The following CTNNA2 variants were observed in gnomAD, a reference collection of about 807,000 sequenced individuals.
CTNNA2 encodes catenin alpha 2, also known as catenin alpha-2.
CTNNA2 carries 42 observed loss-of-function variants against 101.0 expected under a neutral mutation model. The observed-to-expected ratio is 0.42, with a 90% CI of 0.32 to 0.54. The LOEUF (loss-of-function observed/expected upper bound fraction) is 0.54. Ranked by LOEUF, CTNNA2 falls within the 20% of genes least tolerant of loss-of-function variation. The pLI is 0.14. For missense variants in CTNNA2, 871 were observed against 1,223.1 expected (o/e 0.71, Z 4.29); for synonymous variants, 450 against 456.4 (o/e 0.99, Z 0.18).
At chr2:80,144,446 A>C (rs1241362931) in intron 7 of CTNNA2, among the ~76,000 whole-genome samples, 2 of 152,226 alleles carry the variant, frequency 1.3e-5, no homozygotes, top group Admixed American at 6.5e-5. Flanking sequence ...AACAAGTACA[A>C]ATGTAAGAAT....
chr2:80,355,144 G>A (rs531941263), intron 7 of CTNNA2, among the ~76,000 whole-genome samples: 5 of 152,068 alleles, frequency 3.3e-5, no homozygotes, highest in Admixed American at 1.3e-4. Context: ...AGCAGACATC[G>A]CTATATGCCT....
chr2:79,599,963 C>A (rs1042784003), intron 1 of CTNNA2, among the ~76,000 whole-genome samples: 1 of 152,068 alleles, frequency 6.6e-6, no homozygotes, highest in African/African-American at 2.4e-5. Flanking sequence ...GGGAGTAGAA[C>A]AGAGAGATTG....
chr2:79,609,637 C>T (rs1038892591), intron 1 of CTNNA2, among the ~76,000 whole-genome samples: 10 of 152,082 alleles, frequency 6.6e-5, no homozygotes, highest in African/African-American at 2.4e-4. Context: ...CAGGAATAGA[C>T]CAGCATGCAT....
chr2:79,569,354 A>G (rs187494936), intron 1 of CTNNA2, among the ~76,000 whole-genome samples: 1 of 152,262 alleles, frequency 6.6e-6, no homozygotes, highest in East Asian at 1.9e-4. Context: ...GCATACGGCT[A>G]TAAGGGAAAT....
intron 2 of CTNNA2, among the ~76,000 whole-genome samples, chr2:79,294,898 T>C (rs1573047226): frequency 6.6e-6 from 1 of 152,284 alleles, no homozygotes; most frequent in East Asian, 1.9e-4. Flanking sequence ...ATTTTGATCT[T>C]ATCTGCTGAT....
At chr2:79,985,299 G>T (rs1190721980) in intron 7 of CTNNA2, among the ~76,000 whole-genome samples, 1 of 152,144 alleles carries the variant, frequency 6.6e-6, no homozygotes, top group Non-Finnish European at 1.5e-5. Flanking sequence ...AACCCCAGGG[G>T]CTCTGAACCA....
At chr2:80,206,965 A>C (rs1707571796) in intron 7 of CTNNA2, among the ~76,000 whole-genome samples, 2 of 152,286 alleles carry the variant, frequency 1.3e-5, no homozygotes, top group South Asian at 4.1e-4. Flanking sequence ...CAGAGCTGGC[A>C]TCTGAAGGCT....
At chr2:79,748,783 C>G (rs1012725022) in intron 3 of CTNNA2, among the ~76,000 whole-genome samples, 3 of 151,960 alleles carry the variant, frequency 2.0e-5, no homozygotes, top group Non-Finnish European at 4.4e-5. Context: ...TGCCAGATCT[C>G]TAAAAGTTTT....
intron 9 of CTNNA2, among the ~76,000 whole-genome samples, chr2:80,478,796 G>C (rs769249153): frequency 6.6e-6 from 1 of 151,964 alleles, no homozygotes; most frequent in South Asian, 2.1e-4. Flanking sequence ...ATAATTTGAC[G>C]TAATTAGGTG....
rs55934940 is a variant in CTNNA2 at position 79,829,360 on chromosome 2, T to TACACACACAC, written c.299-28607_299-28598dup. 7.1e-3 allele frequency among the ~76,000 whole-genome samples: 801 copies of TACACACACAC among 113,184 alleles called. 7 individuals are homozygous for TACACACACAC. Among genetic ancestry groups the TACACACACAC allele is most frequent in the African/African-American group, 0.012 (343 of 28,318 alleles). The allele number at this position is 113,184 out of a possible 152,430, so 74.3% of individuals were successfully genotyped here. ...GGTGAAACCCCGTCTCAACTAAAAC[T>TACACACACAC]ACACACACACACACACACACACACA... On this transcript the variant is annotated intron_variant, in intron 3 of 18. Transcript: ENST00000402739.
intron 7 of CTNNA2, among the ~76,000 whole-genome samples, chr2:79,980,909 ATTCT>A (rs753185405): frequency 5.9e-5 from 9 of 152,198 alleles, no homozygotes; most frequent in African/African-American, 1.2e-4. Context: ...CAAAGAAACA[ATTCT>A]TTCTTTCTTT....
At chr2:79,273,113 T>C (rs1301458989) in intron 2 of CTNNA2, among the ~76,000 whole-genome samples, 2 of 152,036 alleles carry the variant, frequency 1.3e-5, no homozygotes, top group Non-Finnish European at 2.9e-5. Context: ...AAAGTATTTC[T>C]TTACCATGCA....
At chr2:79,654,951 T>A (rs1379578526) in intron 2 of CTNNA2, among the ~76,000 whole-genome samples, 1 of 152,224 alleles carries the variant, frequency 6.6e-6, no homozygotes. Context: ...TTTATAGGAA[T>A]TTGACAGTAA....
At chr2:80,613,362 TAA>T (rs1242758925) in intron 17 of CTNNA2, among the ~76,000 whole-genome samples, 2 of 151,414 alleles carry the variant, frequency 1.3e-5, no homozygotes, top group Non-Finnish European at 3.0e-5. Context: ...CCCAGAGTGT[TAA>T]AAGTGACAGT....
intron 2 of CTNNA2, among the ~76,000 whole-genome samples, chr2:79,202,873 C>T (rs1187474358): frequency 6.6e-6 from 1 of 152,170 alleles, no homozygotes; most frequent in African/African-American, 2.4e-5. Context: ...AAATTCAAAG[C>T]TGTGGGTGCA....
At chr2:80,079,093 T>C (rs916328731) in intron 7 of CTNNA2, among the ~76,000 whole-genome samples, 4 of 152,120 alleles carry the variant, frequency 2.6e-5, no homozygotes, top group South Asian at 4.1e-4. Flanking sequence ...TGGGACGCTG[T>C]GAGATGCTGG....
chr2:80,093,536 G>A (rs1194119938), intron 7 of CTNNA2, among the ~76,000 whole-genome samples: 2 of 152,062 alleles, frequency 1.3e-5, no homozygotes, highest in South Asian at 2.1e-4. Context: ...GGGATGGCTG[G>A]GTCAAATGGT....
intron 1 of CTNNA2, among the ~76,000 whole-genome samples, chr2:79,626,355 G>A (rs989646614): frequency 4.6e-5 from 7 of 152,172 alleles, no homozygotes; most frequent in African/African-American, 1.7e-4. Flanking sequence ...TTACAGGTTA[G>A]CCAGGAAACA....
intron 3 of CTNNA2, among the ~76,000 whole-genome samples, chr2:79,328,908 G>A (rs1051431180): frequency 4.6e-5 from 7 of 152,154 alleles, no homozygotes; most frequent in Non-Finnish European, 1.0e-4. Flanking sequence ...ACCACTTTGT[G>A]CTTGCTGATA....
Sources: allele counts gnomAD v4.1 joint callset (sites outside exome capture counted in the v4.1 genomes callset), GRCh38; gene constraint gnomAD v4.1.1; transcripts MANE v1.5; gene names NCBI Gene and HGNC (gene_info 2026-07-23, HGNC 2026-07-21).